The following ELF2 variants were observed in gnomAD, a reference collection of about 807,000 sequenced individuals.
ELF2 encodes ETS-related transcription factor Elf-2.
In ELF2, 11 loss-of-function variants were observed where a neutral mutation model predicts 54.8. The ratio of observed to expected loss-of-function variants is 0.20; its 90% CI spans 0.13 to 0.33. The LOEUF is 0.33. Ranked by LOEUF, ELF2 falls within the 10% of genes least tolerant of loss-of-function variation. The pLI, the probability that ELF2 is intolerant of heterozygous loss-of-function variation, is 1.00. For missense variants in ELF2, 513 were observed against 703.0 expected, an observed-to-expected ratio of 0.73 and a Z score of 3.06; for synonymous variants, 203 against 245.1, an observed-to-expected ratio of 0.83 and a Z score of 1.61.
At chr4:139,175,723 C>G (rs574174472) in intron 1 of ELF2, among the ~76,000 whole-genome samples, 2 of 152,334 alleles carry the variant, frequency 1.3e-5, no homozygotes, top group Non-Finnish European at 2.9e-5. Context: ...TTACTATTCT[C>G]TCATCACCGG....
intron 4 of ELF2, among the ~76,000 whole-genome samples, chr4:139,110,131 C>T (rs1029074775): frequency 2.0e-5 from 3 of 152,150 alleles, no homozygotes; most frequent in Admixed American, 6.5e-5. Context: ...AAGAAATTTA[C>T]ACTCAAAGCT....
intron 3 of ELF2, among the ~76,000 whole-genome samples, chr4:139,129,167 AC>A (rs1173021019): frequency 1.3e-5 from 2 of 150,940 alleles, no homozygotes; most frequent in African/African-American, 2.4e-5. Context: ...CAAACTCCTG[AC>A]CTCAGGTGAT....
Position 139,177,039 on chromosome 4 carries a change from C to T in ELF2, c.-324G>A, listed in dbSNP as rs1346192095. The stretch of plus-strand genomic sequence containing the variant: ...AGCAGGGCCGCGGACTAGCCGCCGC[C>T]GTTGGCCGAGCGTCCGGAGGGAGCC... On this transcript the variant is annotated 5_prime_UTR_variant, in exon 1 of 10. Transcript: ENST00000686138. 1 of 152,298 alleles carries T rather than the reference C, an allele frequency of 6.6e-6. No individual in the cohort carries two copies. The highest frequency in any genetic ancestry group is 1.5e-5 in the Non-Finnish European group (1 of 68,200). The allele number at this position is 152,298 out of a possible 1,614,324, so 9.4% of individuals were successfully genotyped here.
intron 4 of ELF2, among the ~76,000 whole-genome samples, chr4:139,089,345 C>T (rs939839467): frequency 1.3e-5 from 2 of 152,158 alleles, no homozygotes; most frequent in Admixed American, 1.3e-4. Flanking sequence ...AATAATGTAA[C>T]ATAGTCATAT....
At chr4:139,177,593 C>T (rs1743106278), upstream of ELF2, among the ~76,000 whole-genome samples, 1 of 152,142 alleles carries the variant, frequency 6.6e-6, no homozygotes, top group Non-Finnish European at 1.5e-5. Context: ...CAGGGCTCCC[C>T]GATCTCGCTC....
intron 3 of ELF2, among the ~76,000 whole-genome samples, chr4:139,135,982 T>A (rs1368096532): frequency 6.6e-6 from 1 of 152,236 alleles, no homozygotes; most frequent in Non-Finnish European, 1.5e-5. Flanking sequence ...ATATTAATGA[T>A]ACCTTTTAAT....
In ELF2 at chr4:139,084,459, C is replaced by CGGCTGT. The variant is rs1260963219; in HGVS notation, c.239-10898_239-10893dup. 334 of 1,150,598 alleles carry CGGCTGT rather than the reference C, an allele frequency of 2.9e-4. 2 individuals carry two copies. In the East Asian group the frequency reaches 3.2e-3, roughly 11 times the overall value. 71.3% of individuals were successfully genotyped at this position (1,150,598 alleles called of 1,614,324 possible). A position where few individuals can be genotyped will look rare whatever the true frequency, so the allele number is the denominator to read the frequency against. ...GCAGGGGCGGCGGCGGCGGCGGCGG[C>CGGCTGT]GGCTGTGGCTGTGGCGGCCGCCGCA... On this transcript the variant is annotated intron_variant, in intron 4 of 9. Coordinates refer to ENST00000686138, the MANE Select transcript of ELF2 (RefSeq NM_001331036.3).
intron 4 of ELF2, among the ~76,000 whole-genome samples, chr4:139,118,974 C>G (rs1435422950): frequency 6.6e-6 from 1 of 151,984 alleles, no homozygotes; most frequent in African/African-American, 2.4e-5. Context: ...CTAACTAACC[C>G]AAGTCAATAT....
chr4:139,159,719 G>C (rs1033675855), intron 1 of ELF2, among the ~76,000 whole-genome samples: 1 of 152,152 alleles, frequency 6.6e-6, no homozygotes, highest in Non-Finnish European at 1.5e-5. Flanking sequence ...GCCTTGACCT[G>C]AGCGATGAGA....
chr4:139,175,319 G>A (rs1157549780), intron 1 of ELF2, among the ~76,000 whole-genome samples: 1 of 152,146 alleles, frequency 6.6e-6, no homozygotes, highest in East Asian at 1.9e-4. Context: ...GAAATGAAAG[G>A]CAATGATAAA....
At chr4:139,106,810 C>T (rs964446547) in intron 4 of ELF2, among the ~76,000 whole-genome samples, 1 of 135,680 alleles carries the variant, frequency 7.4e-6, no homozygotes, top group African/African-American at 2.8e-5. Flanking sequence ...ATGGCTTGAT[C>T]TCGGCTCACT....
chr4:139,093,295 C>T (rs1732882040), intron 4 of ELF2, among the ~76,000 whole-genome samples: 1 of 152,136 alleles, frequency 6.6e-6, no homozygotes, highest in Non-Finnish European at 1.5e-5. Context: ...AAACATAATA[C>T]AAAACCTTCC....
chr4:139,081,897 C>A (rs1308490819), intron 4 of ELF2, among the ~76,000 whole-genome samples: 1 of 142,146 alleles, frequency 7.0e-6, no homozygotes, highest in South Asian at 2.3e-4. Context: ...GTATGTAAAA[C>A]ATATTCTTTA....
chr4:139,059,008 T>C lies in ELF2; in HGVS notation c.1757A>G (p.Glu586Gly). 1 of 1,612,894 alleles carries C rather than the reference T, an allele frequency of 6.2e-7. No homozygotes were observed. Among genetic ancestry groups the C allele is most frequent in the South Asian group, 1.1e-5 (1 of 90,962 alleles). Residue 586 changes from glutamate (E) to glycine (G), a missense_variant, in exon 10 of 10, where the codon GAA (glutamate) becomes GGA (glycine). Glu to Gly is a moderately conservative substitution (Grantham distance 98, BLOSUM62 -2). Coordinates refer to ENST00000686138, the MANE Select transcript of ELF2 (RefSeq NM_001331036.3). Reference protein sequence around the residue: ...AIALPVTMKTEGLVTCEK With the variant: ...AIALPVTMKTGGLVTCEK ...TTATTTCTCACATGTCACTAGTCCTTCTGTTTTCATAGTTACAGGAAGGGC... is the reference window on the plus strand; with the variant it reads ...TTATTTCTCACATGTCACTAGTCCTCCTGTTTTCATAGTTACAGGAAGGGC...
chr4:139,159,194 C>T (rs763734793), intron 1 of ELF2, among the ~76,000 whole-genome samples: 6 of 152,076 alleles, frequency 3.9e-5, no homozygotes, highest in Non-Finnish European at 8.8e-5. Context: ...AGGGGCAAAC[C>T]CCCGAGCTTG....
intron 1 of ELF2, among the ~76,000 whole-genome samples, chr4:139,169,567 A>G (rs960905088): frequency 6.6e-6 from 1 of 151,976 alleles, no homozygotes; most frequent in Non-Finnish European, 1.5e-5. Context: ...TCCTTTAAAA[A>G]TCTGTCTTGG....
chr4:139,137,982 C>G, intron 2 of ELF2, 115 bp from the exon 3 acceptor site: 1 of 678,172 alleles, frequency 1.5e-6, no homozygotes, highest in Non-Finnish European at 2.2e-6. Context: ...AGAAGACAGG[C>G]TTAACATCCC....
At chr4:139,148,845 CCAG>C (rs1259623307) in intron 1 of ELF2, among the ~76,000 whole-genome samples, 1 of 152,190 alleles carries the variant, frequency 6.6e-6, no homozygotes, top group African/African-American at 2.4e-5. Context: ...CACATTCCTA[CCAG>C]CAGCATTTGA....
chr4:139,163,803 A>T (rs1741409491), intron 1 of ELF2, among the ~76,000 whole-genome samples: 1 of 152,080 alleles, frequency 6.6e-6, no homozygotes, highest in African/African-American at 2.4e-5. Context: ...AGTCTCAGCT[A>T]CTCAGGAGGC....
Sources: gnomAD v4.1 joint callset for allele counts (sites outside exome capture counted in the v4.1 genomes callset) on GRCh38, gnomAD v4.1.1 for gene constraint, MANE v1.5 for transcripts, NCBI Gene and HGNC (gene_info 2026-07-23, HGNC 2026-07-21) for gene names.